KDM5B: variants seen among roughly 807,000 people sequenced by gnomAD.
The protein encoded by KDM5B is lysine-specific demethylase 5B.
In KDM5B, 144 loss-of-function variants were observed where a neutral mutation model predicts 193.4. That is an observed-to-expected ratio of 0.74 (90% CI 0.65 to 0.86). The LOEUF is 0.86. Among genes scored for constraint, KDM5B ranks in the 40% least tolerant of loss-of-function variants. The pLI is 0.00. For missense variants in KDM5B, 1,833 were observed against 1,886.9 expected, an observed-to-expected ratio of 0.97 and a Z score of 0.53; for synonymous variants, 668 against 682.6, an observed-to-expected ratio of 0.98 and a Z score of 0.33.
At chr1:202,788,535 C>T (rs1200118069) in intron 1 of KDM5B, among the ~76,000 whole-genome samples, 1 of 151,754 alleles carries the variant, frequency 6.6e-6, no homozygotes, top group African/African-American at 2.4e-5. Flanking sequence ...TTTAATAAAA[C>T]TTGGCAATAA....
In KDM5B at chr1:202,747,172, T is replaced by A. The variant is rs145004179; in HGVS notation, c.2017-849A>T. Reference sequence around the variant, plus strand: ...AACTATTTCATATCTGCCAATTATATGGGCCAACAAAGATGAGGAAGGTAA... The same window carrying A: ...AACTATTTCATATCTGCCAATTATAAGGGCCAACAAAGATGAGGAAGGTAA... On this transcript the variant is annotated intron_variant, in intron 14 of 26. Coordinates refer to ENST00000367265, the MANE Select transcript of KDM5B (RefSeq NM_006618.5). Among the ~76,000 whole-genome samples the A allele has an allele frequency of 6.5e-3, 993 of 152,274 alleles. 8 individuals are homozygous for A. The highest frequency in any genetic ancestry group is 8.9e-3 in the Non-Finnish European group (608 of 68,002).
chr1:202,766,538 C>T (rs747481207), intron 5 of KDM5B: 4 of 431,586 alleles, frequency 9.3e-6, no homozygotes, highest in South Asian at 1.7e-5. Flanking sequence ...AGAAAAGTGG[C>T]TTTAACTGTC....
At chr1:202,729,308 G>T in intron 26 of KDM5B, 135 bp from the exon 27 acceptor site, 1 of 921,000 alleles carries the variant, frequency 1.1e-6, no homozygotes, top group Non-Finnish European at 1.7e-6. Flanking sequence ...TGGCACAACA[G>T]CTAAGCCAAA....
At chr1:202,798,110 G>T (rs931849272) in intron 1 of KDM5B, among the ~76,000 whole-genome samples, 1 of 152,128 alleles carries the variant, frequency 6.6e-6, no homozygotes, top group Admixed American at 6.6e-5. Flanking sequence ...GAGGTGGAAG[G>T]ATGACTTGAG....
At chr1:202,769,774 C>T (rs1048031861) in intron 4 of KDM5B, among the ~76,000 whole-genome samples, 3 of 151,292 alleles carry the variant, frequency 2.0e-5, no homozygotes, top group African/African-American at 7.3e-5. Flanking sequence ...TAGAACATTG[C>T]CTTCTATTCT....
chr1:202,767,949 G>C (rs986778340), intron 4 of KDM5B, among the ~76,000 whole-genome samples: 1 of 152,122 alleles, frequency 6.6e-6, no homozygotes, highest in African/African-American at 2.4e-5. Flanking sequence ...AATCCAATAT[G>C]TTTTCTAGAT....
chr1:202,783,693 C>T (rs1278266779), intron 1 of KDM5B, among the ~76,000 whole-genome samples: 1 of 151,664 alleles, frequency 6.6e-6, no homozygotes, highest in East Asian at 2.0e-4. Flanking sequence ...CTGGCTAACA[C>T]GGTGAAACCC....
chr1:202,752,815 C>T (rs766737646), intron 12 of KDM5B, 90 bp downstream of exon 12: 48 of 1,272,748 alleles, frequency 3.8e-5, no homozygotes, highest in Non-Finnish European at 4.4e-5. Flanking sequence ...AAACACAGAA[C>T]TAAATCAACA....
At chr1:202,771,211 TTTTATG>T (rs1572748956) in intron 4 of KDM5B, among the ~76,000 whole-genome samples, 1 of 152,134 alleles carries the variant, frequency 6.6e-6, no homozygotes, top group African/African-American at 2.4e-5. Context: ...ATTTTTTATT[TTTTATG>T]TTTGTTTATT....
chr1:202,739,313 T>C (rs570856011), intron 20 of KDM5B, among the ~76,000 whole-genome samples: 1 of 152,298 alleles, frequency 6.6e-6, no homozygotes, highest in African/African-American at 2.4e-5. Context: ...AGACAACTGG[T>C]CAGGATAATA....
At position 202,729,994 on chromosome 1, in the gene KDM5B, TAA is replaced by T; in HGVS notation, c.4208_4209del (p.Ile1403LysfsTer4). 6.2e-7 allele frequency: 1 copy of T among 1,612,456 alleles called. No individual in the cohort carries two copies. The highest frequency in any genetic ancestry group is 8.5e-7 in the Non-Finnish European group (1 of 1,179,162). On this transcript the variant is annotated frameshift_variant, in exon 26 of 27. Transcript: ENST00000367265. LOFTEE classifies it high-confidence loss of function. Reference sequence around the variant, plus strand: ...CTCTTCAGTTTTCTCTCAAGACTGTTAATTCCATCTCGCTTCCCTCGGCAACA... The same window carrying T: ...CTCTTCAGTTTTCTCTCAAGACTGTTTTCCATCTCGCTTCCCTCGGCAACA... ...NDCCRGKRDG[I>X]NSLERKLKRR...
chr1:202,792,364 C>T (rs2102332469), intron 1 of KDM5B, among the ~76,000 whole-genome samples: 1 of 151,600 alleles, frequency 6.6e-6, no homozygotes. Flanking sequence ...AATTCAAACA[C>T]TTAGGCCCAC....
At chr1:202,800,367 G>A (rs1042852476) in intron 1 of KDM5B, among the ~76,000 whole-genome samples, 1 of 150,184 alleles carries the variant, frequency 6.7e-6, no homozygotes, top group African/African-American at 2.5e-5. Context: ...TTTTTGAAAC[G>A]TCTTGCTCTG....
chr1:202,796,159 C>T, intron 1 of KDM5B: 1 of 200,928 alleles, frequency 5.0e-6, no homozygotes, highest in Non-Finnish European at 1.0e-5. Flanking sequence ...AGCCTCAGTG[C>T]CCGCTGGTGG....
intron 1 of KDM5B, among the ~76,000 whole-genome samples, chr1:202,785,539 G>A (rs1428181717): frequency 6.6e-6 from 1 of 152,178 alleles, no homozygotes; most frequent in Non-Finnish European, 1.5e-5. Flanking sequence ...TGAATAAAGG[G>A]ATAATTGTGA....
chr1:202,733,840 T>C lies in KDM5B; in HGVS notation c.3470A>G (p.Gln1157Arg). 1.2e-6 allele frequency: 2 copies of C among 1,613,748 alleles called. No individual in the cohort carries two copies. The highest frequency in any genetic ancestry group is 1.7e-6 in the Non-Finnish European group (2 of 1,179,820). The change falls in exon 23 of 27, where the codon CAG becomes CGG. Residue 1157 changes from glutamine (Q) to arginine (R), a missense_variant. Physicochemically the swap from Gln to Arg is conservative, Grantham distance 43. Around this residue, in one of 3 missense-constraint regions of KDM5B, gnomAD observed 1,379 missense variants for 1,349.6 expected, o/e 1.02. Coordinates refer to ENST00000367265, the MANE Select transcript of KDM5B (RefSeq NM_006618.5). ...EARLREMEAL[Q>R]SLRLANEGKL... The stretch of plus-strand genomic sequence containing the variant: ...CCCTTCATTGGCGAGTCTGAGAGAC[T>C]GCAAGGCTTCCATTTCCCTTAGGCG...
chr1:202,797,787 A>G (rs1194234733), intron 1 of KDM5B, among the ~76,000 whole-genome samples: 2 of 152,232 alleles, frequency 1.3e-5, no homozygotes, highest in South Asian at 4.1e-4. Flanking sequence ...TCACCAAACT[A>G]AACTCCTGCC....
intron 1 of KDM5B, among the ~76,000 whole-genome samples, chr1:202,780,596 G>GT (rs1657158199): frequency 1.3e-5 from 2 of 152,100 alleles, no homozygotes; most frequent in Admixed American, 1.3e-4. Flanking sequence ...AAGTTAAAAT[G>GT]TAAGTATCAG....
chr1:202,739,889 C>T (rs1218910530), intron 20 of KDM5B, among the ~76,000 whole-genome samples: 7 of 152,170 alleles, frequency 4.6e-5, no homozygotes, highest in Non-Finnish European at 8.8e-5. Context: ...TACACAGACA[C>T]GGCAACCATC....
Sources: gnomAD v4.1 joint callset for allele counts (sites outside exome capture counted in the v4.1 genomes callset) on GRCh38, gnomAD v4.1.1 for gene constraint, gnomAD v4.1.1 regional missense constraint, MANE v1.5 for transcripts, NCBI Gene and HGNC (gene_info 2026-07-23, HGNC 2026-07-21) for gene names.